The following CSMD1 variants were observed in gnomAD, a reference collection of about 807,000 sequenced individuals.
CSMD1 encodes CUB and sushi domain-containing protein 1.
CSMD1 carries 213 observed loss-of-function variants against 417.5 expected under a neutral mutation model. That is an observed-to-expected ratio of 0.51 (90% CI 0.46 to 0.57). The LOEUF (loss-of-function observed/expected upper bound fraction) is 0.57, where lower values mean the gene tolerates loss of function less well. Among genes scored for constraint, CSMD1 ranks in the 20% least tolerant of loss-of-function variants. The probability of loss-of-function intolerance (pLI) is 0.00; values close to 1 mark genes in which losing one functional copy is unlikely to be tolerated. For synonymous variants in CSMD1, 2,862 were observed against 1,736.8 expected (o/e 1.65, Z -16.11); for missense variants, 6,923 against 4,529.7 (o/e 1.53, Z -15.17).
intron 2 of CSMD1, among the ~76,000 whole-genome samples, chr8:4,425,355 A>G (rs1386842106): frequency 6.7e-6 from 1 of 148,718 alleles, no homozygotes; most frequent in Non-Finnish European, 1.5e-5. Flanking sequence ...CTGCAATGAA[A>G]TGGATTCATT....
chr8:4,542,244 A>G (rs1386294235), intron 2 of CSMD1, among the ~76,000 whole-genome samples: 2 of 152,194 alleles, frequency 1.3e-5, no homozygotes, highest in African/African-American at 2.4e-5. Flanking sequence ...GAATCAAGTT[A>G]AAATACCTTT....
chr8:3,195,199 A>T (rs138498598), intron 33 of CSMD1, among the ~76,000 whole-genome samples: 7 of 152,214 alleles, frequency 4.6e-5, no homozygotes, highest in African/African-American at 1.7e-4. Context: ...GTACTCTCCA[A>T]CATGAAGGTT....
intron 3 of CSMD1, among the ~76,000 whole-genome samples, chr8:4,363,544 C>G (rs1030555489): frequency 2.6e-5 from 4 of 152,152 alleles, no homozygotes; most frequent in Non-Finnish European, 4.4e-5. Context: ...ATAACTCCCT[C>G]CCTACTACAG....
intron 3 of CSMD1, among the ~76,000 whole-genome samples, chr8:4,337,109 G>GGA (rs776259167): frequency 3.3e-5 from 5 of 152,072 alleles, no homozygotes; most frequent in Non-Finnish European, 7.4e-5. Context: ...GCCACGTACA[G>GGA]GAGACCGAAG....
At chr8:3,708,599 A>T (rs1286290164) in intron 6 of CSMD1, 108 bp from the exon 7 acceptor site, 2 of 831,288 alleles carry the variant, frequency 2.4e-6, no homozygotes, top group African/African-American at 3.3e-5. Flanking sequence ...CAACCCCCGA[A>T]AATGGGAAAT....
intron 3 of CSMD1, among the ~76,000 whole-genome samples, chr8:4,342,761 A>T (rs1563074606): frequency 6.6e-6 from 1 of 152,094 alleles, no homozygotes; most frequent in Non-Finnish European, 1.5e-5. Flanking sequence ...GACGTGTTAA[A>T]AAGAAAAATA....
At chr8:4,550,329 G>GCACA (rs35196172) in intron 2 of CSMD1, among the ~76,000 whole-genome samples, 1,844 of 139,680 alleles carry the variant, frequency 0.013, 9 homozygotes, top group Middle Eastern at 0.033. Flanking sequence ...ATACACACAC[G>GCACA]CACACACACA....
rs1042571888 is a variant in CSMD1, at chr8:3,189,901, A to T, written c.5398+11T>A. The stretch of plus-strand genomic sequence containing the variant: ...AGTTCTGGCGGGCAGCCGCTTAGGG[A>T]CACTGCTCACCCACACAGCTGGGGA... On this transcript the variant is annotated intron_variant, in intron 34 of 69. Coordinates refer to ENST00000635120, the MANE Select transcript of CSMD1 (RefSeq NM_033225.6). The T allele has an allele frequency of 1.9e-6, 3 of 1,564,414 alleles. No individual in the cohort carries two copies. Among genetic ancestry groups the T allele is most frequent in the Non-Finnish European group, 2.6e-6 (3 of 1,155,562 alleles).
chr8:3,219,297 C>T lies in CSMD1; in HGVS notation c.4630G>A (p.Asp1544Asn). 3 of 1,594,126 alleles carry T rather than the reference C, an allele frequency of 1.9e-6. No individual in the cohort carries two copies. The highest frequency in any genetic ancestry group is 2.6e-6 in the Non-Finnish European group (3 of 1,169,406). ...GNSLFLAFRS[D>N]ASVGLSGFAI... ...AACCCTGAAAGGCCCACGGAGGCAT[C>T]ACTCCGAAATGCCAGAAACAGGCTG... Residue 1544 changes from aspartate (D) to asparagine (N), a missense_variant, in exon 29 of 70, where the codon GAT becomes AAT. Transcript: ENST00000635120.
chr8:3,824,459 T>C (rs940020049), intron 5 of CSMD1, among the ~76,000 whole-genome samples: 2 of 152,174 alleles, frequency 1.3e-5, no homozygotes, highest in African/African-American at 4.8e-5. Flanking sequence ...TCTGCACCTC[T>C]GTCCCCTAAG....
intron 3 of CSMD1, among the ~76,000 whole-genome samples, chr8:4,090,812 C>G (rs567320865): frequency 6.6e-6 from 1 of 151,994 alleles, no homozygotes; most frequent in African/African-American, 2.4e-5. Flanking sequence ...AACATATATT[C>G]TTTAAGTCGA....
chr8:3,882,027 T>G (rs1806238973), intron 5 of CSMD1, among the ~76,000 whole-genome samples: 1 of 152,192 alleles, frequency 6.6e-6, no homozygotes, highest in Non-Finnish European at 1.5e-5. Context: ...GATGCAACTA[T>G]TTTTAAAAGG....
In CSMD1 at chr8:4,489,323, A is replaced by G. The variant is rs796382839; in HGVS notation, c.303-69258T>C. ...TGTCTCAAAGATTCAATGCATAAGG[A>G]AAAACTTATTTGAGTATTTTGCTGT... On this transcript the variant is annotated intron_variant, in intron 2 of 69. Transcript: ENST00000635120. Among the ~76,000 whole-genome samples, 10 of 152,338 alleles carry G rather than the reference A, an allele frequency of 6.6e-5. No individual in the cohort carries two copies. The East Asian group carries it at 9.6e-4, about 15-fold the overall frequency.
intron 7 of CSMD1, among the ~76,000 whole-genome samples, chr8:3,662,911 T>C (rs1004796811): frequency 6.6e-6 from 1 of 152,058 alleles, no homozygotes; most frequent in East Asian, 1.9e-4. Context: ...ACCTAGATGA[T>C]GGGTTGATAG....
At chr8:4,299,443 A>C (rs1797863922) in intron 3 of CSMD1, among the ~76,000 whole-genome samples, 1 of 152,148 alleles carries the variant, frequency 6.6e-6, no homozygotes, top group African/African-American at 2.4e-5. Context: ...TCTTTCAAAA[A>C]GCCACTAGTA....
At chr8:3,395,624 T>C (rs578217094) in intron 17 of CSMD1, among the ~76,000 whole-genome samples, 6 of 152,342 alleles carry the variant, frequency 3.9e-5, no homozygotes, top group African/African-American at 9.6e-5. Flanking sequence ...TTAAAATATG[T>C]TTAATAATTG....
intron 2 of CSMD1, among the ~76,000 whole-genome samples, chr8:4,614,510 A>G (rs778244077): frequency 1.3e-5 from 2 of 152,192 alleles, no homozygotes; most frequent in African/African-American, 2.4e-5. Flanking sequence ...TAAGATTCAT[A>G]TACTAATAAG....
chr8:3,340,154 G>C (rs1434094501), intron 23 of CSMD1, among the ~76,000 whole-genome samples: 1 of 152,108 alleles, frequency 6.6e-6, no homozygotes, highest in Non-Finnish European at 1.5e-5. Context: ...AGCAATTCTG[G>C]TATTCAGTTA....
intron 10 of CSMD1, among the ~76,000 whole-genome samples, chr8:3,536,646 A>G (rs928178190): frequency 6.6e-6 from 1 of 152,142 alleles, no homozygotes; most frequent in Non-Finnish European, 1.5e-5. Flanking sequence ...TGTCACTACC[A>G]TCTAGTGGCA....
Sources: allele counts gnomAD v4.1 joint callset (sites outside exome capture counted in the v4.1 genomes callset), GRCh38; gene constraint gnomAD v4.1.1; transcripts MANE v1.5; gene names NCBI Gene and HGNC (gene_info 2026-07-23, HGNC 2026-07-21).